Variants in AKAP13 observed in about 807,000 individuals in gnomAD.
AKAP13 encodes A-kinase anchor protein 13.
In AKAP13, 80 loss-of-function variants were observed where a neutral mutation model predicts 264.5. That is an observed-to-expected ratio of 0.30 (90% CI 0.25 to 0.36). The LOEUF (loss-of-function observed/expected upper bound fraction) is 0.36. Ranked by LOEUF, AKAP13 falls within the 10% of genes least tolerant of loss-of-function variation. AKAP13 has a pLI of 1.00. For missense variants in AKAP13, 3,712 were observed against 3,435.2 expected (o/e 1.08, Z -2.01); for synonymous variants, 1,380 against 1,250.2 (o/e 1.10, Z -2.19).
chr15:85,623,470 T>A (rs2151426533), intron 8 of AKAP13, among the ~76,000 whole-genome samples: 1 of 152,360 alleles, frequency 6.6e-6, no homozygotes, highest in Non-Finnish European at 1.5e-5. Context: ...ATTCTCATTC[T>A]GTGTTATATA....
chr15:85,526,385 A>G (rs1303737177), intron 3 of AKAP13, among the ~76,000 whole-genome samples: 1 of 152,018 alleles, frequency 6.6e-6, no homozygotes, highest in African/African-American at 2.4e-5. Context: ...TCAGCCTCCC[A>G]AGTAGCACTC....
intron 5 of AKAP13, among the ~76,000 whole-genome samples, chr15:85,566,960 A>T (rs1398633778): frequency 6.6e-6 from 1 of 152,038 alleles, no homozygotes; most frequent in Admixed American, 6.5e-5. Flanking sequence ...GAGAAAAATA[A>T]TTTGTACAAG....
At chr15:85,607,559 TC>T (rs1352471061) in intron 8 of AKAP13, among the ~76,000 whole-genome samples, 1 of 152,166 alleles carries the variant, frequency 6.6e-6, no homozygotes, top group Admixed American at 6.5e-5. Context: ...GCAGCCTAGC[TC>T]CAGAGTTCAT....
chr15:85,483,096 A>G (rs887079489), intron 1 of AKAP13, among the ~76,000 whole-genome samples: 7 of 152,194 alleles, frequency 4.6e-5, no homozygotes, highest in African/African-American at 7.2e-5. Flanking sequence ...AGAGCCCTCT[A>G]AGTTTGCTCA....
chr15:85,505,834 G>A (rs2076205327), intron 2 of AKAP13, among the ~76,000 whole-genome samples: 1 of 152,160 alleles, frequency 6.6e-6, no homozygotes, highest in South Asian at 2.1e-4. Flanking sequence ...TAAGGGTGAA[G>A]CTGTTAGGTG....
At chr15:85,602,615 C>T (rs911580285) in intron 8 of AKAP13, among the ~76,000 whole-genome samples, 2 of 151,944 alleles carry the variant, frequency 1.3e-5, no homozygotes, top group Non-Finnish European at 2.9e-5. Context: ...TCAGCCTCCC[C>T]AGTAACTGGG....
intron 1 of AKAP13, among the ~76,000 whole-genome samples, chr15:85,429,811 G>T (rs2150921923): frequency 6.6e-6 from 1 of 152,260 alleles, no homozygotes; most frequent in Non-Finnish European, 1.5e-5. Context: ...ATATGCACTG[G>T]GATTTATGCT....
chr15:85,730,060 A>G (rs905568114), intron 29 of AKAP13, among the ~76,000 whole-genome samples: 2 of 152,238 alleles, frequency 1.3e-5, no homozygotes, highest in South Asian at 2.1e-4. Flanking sequence ...GTCCTGAGAA[A>G]GAATGGTAGG....
intron 8 of AKAP13, among the ~76,000 whole-genome samples, chr15:85,601,282 T>C (rs2080056370): frequency 1.3e-5 from 2 of 152,228 alleles, no homozygotes; most frequent in Non-Finnish European, 1.5e-5. Flanking sequence ...GTTAACTTCA[T>C]TAGCACATAG....
At chr15:85,623,918 T>G (rs1054323468) in intron 8 of AKAP13, among the ~76,000 whole-genome samples, 1 of 152,266 alleles carries the variant, frequency 6.6e-6, no homozygotes, top group Non-Finnish European at 1.5e-5. Context: ...GGTACCAATA[T>G]GCCCATTTTC....
At position 85,748,301 on chromosome 15, in the gene AKAP13, A is replaced by G. The variant is rs1020445153; in HGVS notation, c.*3624A>G. The G allele has an allele frequency of 2.0e-5, 3 of 152,248 alleles. No homozygotes were observed. Among genetic ancestry groups the G allele is most frequent in the African/African-American group, 7.2e-5 (3 of 41,454 alleles). The allele number at this position is 152,248 out of a possible 1,614,324, so 9.4% of individuals were successfully genotyped here. A position where few individuals can be genotyped will look rare whatever the true frequency, so the allele number is the denominator to read the frequency against. On this transcript the variant is annotated 3_prime_UTR_variant, in exon 37 of 37. Transcript: ENST00000394518. ...AAGAGGGTGGCTGTGAGGTGACCCC[A>G]GACACTGCAGAACGATGTGCACCCT...
chr15:85,520,059 G>T (rs1331201128), intron 2 of AKAP13, among the ~76,000 whole-genome samples: 3 of 151,952 alleles, frequency 2.0e-5, no homozygotes, highest in African/African-American at 7.3e-5. Context: ...AAACCTTGAT[G>T]CTTTGTAATC....
intron 1 of AKAP13, among the ~76,000 whole-genome samples, chr15:85,383,570 CCTTGAGA>C (rs2070399795): frequency 6.6e-6 from 1 of 152,124 alleles, no homozygotes; most frequent in Non-Finnish European, 1.5e-5. Context: ...AAAGAAGGGG[CCTTGAGA>C]CTTGTGAGTC....
intron 3 of AKAP13, among the ~76,000 whole-genome samples, chr15:85,524,874 C>CGTGTGTGTGTGTGTGT (rs1567105033): frequency 1.2e-5 from 1 of 80,294 alleles, no homozygotes; most frequent in East Asian, 4.1e-4. Flanking sequence ...TCCCCATTCC[C>CGTGTGTGTGTGTGTGT]CTGTGTGTGT....
At chr15:85,575,624 G>A (rs1227115421) in intron 6 of AKAP13, among the ~76,000 whole-genome samples, 5 of 151,928 alleles carry the variant, frequency 3.3e-5, no homozygotes, top group Non-Finnish European at 7.4e-5. Flanking sequence ...CCCAGGAGGC[G>A]GAGCTTGCAG....
At chr15:85,448,066 G>C (rs947185173) in intron 1 of AKAP13, among the ~76,000 whole-genome samples, 2 of 152,086 alleles carry the variant, frequency 1.3e-5, no homozygotes, top group Admixed American at 1.3e-4. Context: ...TAGCCATTCT[G>C]AGTTGTGTGA....
At chr15:85,602,782 C>G (rs1387226821) in intron 8 of AKAP13, among the ~76,000 whole-genome samples, 1 of 152,194 alleles carries the variant, frequency 6.6e-6, no homozygotes, top group African/African-American at 2.4e-5. Context: ...GCCACTGCAC[C>G]CAGCCTATCA....
intron 5 of AKAP13, among the ~76,000 whole-genome samples, chr15:85,549,846 C>T (rs1392807197): frequency 6.6e-6 from 1 of 151,822 alleles, no homozygotes; most frequent in Non-Finnish European, 1.5e-5. Flanking sequence ...TTTATATTAC[C>T]CATTATATGA....
chr15:85,717,241 T>A (rs1030582094), intron 20 of AKAP13, 49 bp from the exon 21 acceptor site: 2 of 1,245,974 alleles, frequency 1.6e-6, no homozygotes, highest in Non-Finnish European at 2.3e-6. Flanking sequence ...ATGCAAGCCA[T>A]AGGTTATCAG....
Sources: gnomAD v4.1 joint callset for allele counts (sites outside exome capture counted in the v4.1 genomes callset) on GRCh38, gnomAD v4.1.1 for gene constraint, MANE v1.5 for transcripts, NCBI Gene and HGNC (gene_info 2026-07-23, HGNC 2026-07-21) for gene names.